ENDOD1: variants seen among roughly 807,000 people sequenced by gnomAD.
ENDOD1 encodes endonuclease domain-containing 1 protein.
ENDOD1 carries 9 observed loss-of-function variants against 6.5 expected under a neutral mutation model. That is an observed-to-expected ratio of 1.39 (90% CI 0.84 to 2.43). ENDOD1 has a LOEUF of 2.43. ENDOD1 is among the 30% of genes most tolerant of loss of function. ENDOD1 has a pLI of 0.00. For missense variants in ENDOD1, 648 were observed against 635.5 expected (o/e 1.02, Z -0.21); for synonymous variants, 255 against 255.2 (o/e 1.00, Z 0.01).
At chr11:95,120,128 C>T (rs1009700661) in intron 1 of ENDOD1, among the ~76,000 whole-genome samples, 2 of 152,088 alleles carry the variant, frequency 1.3e-5, no homozygotes, top group Admixed American at 1.3e-4. Flanking sequence ...GTCCTAGAAT[C>T]GGGGGCCCCA....
intron 1 of ENDOD1, among the ~76,000 whole-genome samples, chr11:95,096,227 C>CTTTTTTGT (rs1858982453): frequency 2.0e-5 from 1 of 49,964 alleles, no homozygotes; most frequent in Non-Finnish European, 3.3e-5. Flanking sequence ...GTCAAGAAAG[C>CTTTTTTGT]TTTTTTTTTT....
Position 95,128,727 on chromosome 11 carries a change from G to A in ENDOD1, c.651G>A (p.Glu217=). The change falls in exon 2 of 2, where the codon GAG becomes GAA. Residue 217 remains glutamate, a synonymous_variant. Transcript: ENST00000278505. ...YRVKDKVAVP[E]FVWLAACCAV... ...TTAAAGACAAAGTGGCAGTCCCTGA[G>A]TTTGTTTGGCTGGCAGCCTGTTGTG... The A allele has an allele frequency of 6.2e-7, 1 of 1,614,208 alleles. No individual in the cohort carries two copies. The highest frequency in any genetic ancestry group is 1.7e-5 in the Admixed American group (1 of 60,028).
At chr11:95,120,032 A>T (rs1859247150) in intron 1 of ENDOD1, among the ~76,000 whole-genome samples, 1 of 152,034 alleles carries the variant, frequency 6.6e-6, no homozygotes. Context: ...CTTGTGGCAA[A>T]TGTTGCTTGG....
intron 1 of ENDOD1, among the ~76,000 whole-genome samples, chr11:95,106,668 C>A (rs952412676): frequency 6.6e-6 from 1 of 152,114 alleles, no homozygotes; most frequent in African/African-American, 2.4e-5. Flanking sequence ...ATCCAAAGGA[C>A]CCACAGTATT....
chr11:95,123,126 T>C (rs1307826547), intron 1 of ENDOD1, among the ~76,000 whole-genome samples: 1 of 151,386 alleles, frequency 6.6e-6, no homozygotes, highest in African/African-American at 2.4e-5. Context: ...TAGGCGGAGG[T>C]TGCAGTGAGC....
intron 1 of ENDOD1, among the ~76,000 whole-genome samples, chr11:95,120,599 C>CT (rs1170515095): frequency 1.3e-5 from 2 of 151,992 alleles, no homozygotes; most frequent in East Asian, 3.9e-4. Flanking sequence ...GAAGAGGTTT[C>CT]TTTTGGAGCT....
chr11:95,105,066 T>C (rs533570713), intron 1 of ENDOD1, among the ~76,000 whole-genome samples: 2 of 152,316 alleles, frequency 1.3e-5, no homozygotes, highest in East Asian at 3.9e-4. Context: ...TAGAAATACT[T>C]GGTTGTGGAT....
In ENDOD1 at chr11:95,128,720, TCC is replaced by T; in HGVS notation, c.646_647del (p.Pro216Ter). On this transcript the variant is annotated frameshift_variant, in exon 2 of 2. Transcript: ENST00000278505. LOFTEE classifies it low-confidence loss of function (END_TRUNC). Reference sequence around the variant, plus strand: ...TACAGAGTTAAAGACAAAGTGGCAGTCCCTGAGTTTGTTTGGCTGGCAGCCTG... The same window carrying T: ...TACAGAGTTAAAGACAAAGTGGCAGTCTGAGTTTGTTTGGCTGGCAGCCTG... 6.2e-7 allele frequency: 1 copy of T among 1,614,164 alleles called. No homozygotes were observed. Among genetic ancestry groups the T allele is most frequent in the Non-Finnish European group, 8.5e-7 (1 of 1,180,024 alleles).
At chr11:95,107,265 C>A (rs897899863) in intron 1 of ENDOD1, among the ~76,000 whole-genome samples, 1 of 149,498 alleles carries the variant, frequency 6.7e-6, no homozygotes, top group Non-Finnish European at 1.5e-5. Flanking sequence ...ACCTAGGAGG[C>A]GGAGCTTGCA....
At position 95,129,584 on chromosome 11, in the gene ENDOD1, A is replaced by G; in HGVS notation, c.*5A>G. 1 of 1,605,556 alleles carries G rather than the reference A, an allele frequency of 6.2e-7. No individual in the cohort carries two copies. The highest frequency in any genetic ancestry group is 8.5e-7 in the Non-Finnish European group (1 of 1,175,454). ...GACAATTCTGGGGAGTTATAAACTC[A>G]AAAAACTAATAGTATCCAGTCACAG... is the stretch of plus-strand genomic sequence containing the variant. On this transcript the variant is annotated 3_prime_UTR_variant, in exon 2 of 2. Coordinates refer to ENST00000278505, the MANE Select transcript of ENDOD1 (RefSeq NM_015036.3).
At chr11:95,090,379 C>G (rs1371987833) in intron 1 of ENDOD1, 152 bp downstream of exon 1, 3 of 1,069,556 alleles carry the variant, frequency 2.8e-6, no homozygotes, top group Non-Finnish European at 3.7e-6. Context: ...TCCAGGTCCA[C>G]CCTGTTGCGT....
intron 1 of ENDOD1, among the ~76,000 whole-genome samples, chr11:95,101,174 A>G (rs887755449): frequency 1.4e-4 from 21 of 152,280 alleles, no homozygotes; most frequent in African/African-American, 4.6e-4. Context: ...CTATTCAACT[A>G]TGCTATTTTA....
At chr11:95,100,280 G>A (rs1859025379) in intron 1 of ENDOD1, among the ~76,000 whole-genome samples, 1 of 151,964 alleles carries the variant, frequency 6.6e-6, no homozygotes, top group African/African-American at 2.4e-5. Flanking sequence ...CATTCCATCT[G>A]GTTCTCCTCT....
chr11:95,131,733 A>T lies in ENDOD1; in HGVS notation c.*2154A>T, dbSNP rs1401480146. ...TAATTCCCTCCTAGCACATATTTGC[A>T]TACTGAAAGGTCCGAAAAGGGCATC... On this transcript the variant is annotated 3_prime_UTR_variant, in exon 2 of 2. Coordinates refer to ENST00000278505, the MANE Select transcript of ENDOD1 (RefSeq NM_015036.3). 1 of 152,274 alleles carries T rather than the reference A, an allele frequency of 6.6e-6. No individual in the cohort carries two copies. Among genetic ancestry groups the T allele is most frequent in the African/African-American group, 2.4e-5 (1 of 41,468 alleles). 9.4% of individuals were successfully genotyped at this position (152,274 alleles called of 1,614,324 possible).
At chr11:95,098,304 C>T (rs1257882622) in intron 1 of ENDOD1, among the ~76,000 whole-genome samples, 2 of 152,110 alleles carry the variant, frequency 1.3e-5, no homozygotes, top group African/African-American at 4.8e-5. Context: ...GTATTGTGCA[C>T]TTCAAAATTT....
intron 1 of ENDOD1, among the ~76,000 whole-genome samples, chr11:95,126,261 C>T (rs1057136682): frequency 6.6e-6 from 1 of 152,194 alleles, no homozygotes; most frequent in Non-Finnish European, 1.5e-5. Flanking sequence ...GAGAGATGTG[C>T]AGTTGGACTG....
In ENDOD1 at chr11:95,124,369, C is replaced by T. The variant is rs1472258216; in HGVS notation, c.301-4008C>T. Among the ~76,000 whole-genome samples the T allele has an allele frequency of 3.3e-5, 5 of 152,148 alleles. No homozygotes were observed. In the East Asian group the frequency reaches 7.7e-4, roughly 23 times the overall value. On this transcript the variant is annotated intron_variant, in intron 1 of 1. Coordinates refer to ENST00000278505, the MANE Select transcript of ENDOD1 (RefSeq NM_015036.3). ...TGGTAGTTCAAAAAATATTAGTCTC[C>T]AATCCATCTCCCCATCACTATACAG...
At chr11:95,092,349 C>A (rs1858939043) in intron 1 of ENDOD1, among the ~76,000 whole-genome samples, 1 of 151,970 alleles carries the variant, frequency 6.6e-6, no homozygotes. Flanking sequence ...GGAGGCAGAG[C>A]CATTTATGCA....
Position 95,090,032 on chromosome 11 carries a change from C to G in ENDOD1, c.105C>G (p.Asp35Glu). The change falls in exon 1 of 2, where the codon GAC (aspartate) becomes GAG (glutamate). Residue 35 changes from aspartate (D) to glutamate (E), a missense_variant. By Grantham distance (45) the Asp-to-Glu change is conservative. Coordinates refer to ENST00000278505, the MANE Select transcript of ENDOD1 (RefSeq NM_015036.3). ...GEEEAGFGEC[D>E]KFFYAGTPPA... The stretch of plus-strand genomic sequence containing the variant: ...AGGAAGCCGGCTTTGGCGAATGTGA[C>G]AAGTTCTTCTACGCCGGGACCCCGC... 1 of 1,597,208 alleles carries G rather than the reference C, an allele frequency of 6.3e-7. No individual in the cohort carries two copies. The highest frequency in any genetic ancestry group is 1.7e-5 in the Admixed American group (1 of 58,654).
Sources: gnomAD v4.1 joint callset for allele counts (sites outside exome capture counted in the v4.1 genomes callset) on GRCh38, gnomAD v4.1.1 for gene constraint, MANE v1.5 for transcripts, NCBI Gene and HGNC (gene_info 2026-07-23, HGNC 2026-07-21) for gene names.